WDR73: variants seen among roughly 807,000 people sequenced by gnomAD.
WDR73 encodes WD repeat domain 73.
Under a neutral mutation model 38.2 loss-of-function variants are expected in WDR73, and 30 were observed. The ratio of observed to expected loss-of-function variants is 0.79; its 90% CI spans 0.59 to 1.06. The LOEUF is 1.06. Ranked by LOEUF, WDR73 falls within the 50% of genes least tolerant of loss-of-function variation. The pLI, the probability that WDR73 is intolerant of heterozygous loss-of-function variation, is 0.00. For missense variants in WDR73, 487 were observed against 467.0 expected (o/e 1.04, Z -0.40); for synonymous variants, 197 against 176.0 (o/e 1.12, Z -0.94).
At position 84,645,706 on chromosome 15, in the gene WDR73, G is replaced by A; in HGVS notation, c.648C>T (p.Ser216=). Residue 216 remains serine (S), a synonymous_variant, in exon 7 of 8, where the codon AGC becomes AGT. Transcript: ENST00000434634. ...RQKWAPLENR[S]PGPGSGGERW... ...TCTCTCCACCAGACCCAGGGCCAGG[G>A]CTGCGATTCTCCAACGGTGCCCACT... 6.2e-7 allele frequency: 1 copy of A among 1,609,738 alleles called. No homozygotes were observed. The highest frequency in any genetic ancestry group is 1.1e-5 in the South Asian group (1 of 90,360).
At chr15:84,646,985 C>G (rs1410076710) in intron 5 of WDR73, 1 of 152,774 alleles carries the variant, frequency 6.5e-6, no homozygotes, top group African/African-American at 2.4e-5. Flanking sequence ...CTCCGCCTCT[C>G]AGGTTCAAGA....
At chr15:84,644,506 T>G (rs1257812695) in intron 7 of WDR73, 1 of 151,898 alleles carries the variant, frequency 6.6e-6, no homozygotes, top group Non-Finnish European at 1.5e-5. Flanking sequence ...GATACCCACA[T>G]TAAGTGCCGC....
At position 84,645,690 on chromosome 15, in the gene WDR73, C is replaced by T; in HGVS notation, c.664G>A (p.Gly222Ser). ...ACTTCAGCACACCATCTCTCTCCAC[C>T]AGACCCAGGGCCAGGGCTGCGATTC... is the stretch of plus-strand genomic sequence containing the variant. ...LENRSPGPGS[G>S]GERWCAEVGS... is the part of the protein sequence containing the mutation. The change falls in exon 7 of 8, where the codon GGT (glycine) becomes AGT (serine). Residue 222 changes from glycine (G) to serine (S), a missense_variant. By Grantham distance (56) the Gly-to-Ser change is moderately conservative. Transcript: ENST00000434634. The T allele has an allele frequency of 6.2e-7, 1 of 1,609,034 alleles. No individual in the cohort carries two copies.
intron 3 of WDR73, among the ~76,000 whole-genome samples, chr15:84,649,562 C>G (rs1481263861): frequency 6.6e-6 from 1 of 151,866 alleles, no homozygotes; most frequent in East Asian, 1.9e-4. Context: ...CTCTGTCTCC[C>G]CAGTTTAAGC....
chr15:84,639,803 T>C lies in WDR73; in HGVS notation c.*3667A>G, dbSNP rs541295549. 6.6e-6 allele frequency: 1 copy of C among 152,274 alleles called. No homozygotes were observed. Among genetic ancestry groups the C allele is most frequent in the Admixed American group, 6.5e-5 (1 of 15,270 alleles). The allele number at this position is 152,274 out of a possible 1,614,324, so 9.4% of individuals were successfully genotyped here. On this transcript the variant is annotated 3_prime_UTR_variant, in exon 8 of 8. Transcript: ENST00000434634. Reference sequence around the variant, plus strand: ...TCCACGAAAAACTCCGCACCTGCCATCGAAACCACCAGGTGTACCGGATTA... The same window carrying C: ...TCCACGAAAAACTCCGCACCTGCCACCGAAACCACCAGGTGTACCGGATTA...
intron 3 of WDR73, among the ~76,000 whole-genome samples, chr15:84,649,856 G>A (rs547303306): frequency 2.6e-5 from 4 of 152,248 alleles, no homozygotes; most frequent in South Asian, 2.1e-4. Flanking sequence ...GCAGTCCACC[G>A]CCTCAGCTTC....
Position 84,648,533 on chromosome 15 carries a change from A to G in WDR73, c.287+4T>C, listed in dbSNP as rs748831096. 2 of 1,611,394 alleles carry G rather than the reference A, an allele frequency of 1.2e-6. No individual in the cohort carries two copies. Among genetic ancestry groups the G allele is most frequent in the Non-Finnish European group, 1.7e-6 (2 of 1,177,566 alleles). ...GGATGGCTGGATCACAAAATTGACC[A>G]TACCTGGTATGTGGCACATGCTTTA... On this transcript the variant is annotated splice_donor_region_variant and intron_variant, in intron 4 of 7. Transcript: ENST00000434634.
intron 1 of WDR73, chr15:84,653,965 C>G (rs759726646): frequency 3.6e-4 from 215 of 604,632 alleles, no homozygotes; most frequent in Non-Finnish European, 5.4e-4. Flanking sequence ...GTGTTCTGAG[C>G]TGAACTCAGA....
intron 4 of WDR73, chr15:84,648,265 G>C: frequency 1.7e-6 from 1 of 584,478 alleles, no homozygotes; most frequent in East Asian, 2.8e-5. Flanking sequence ...AGCAATAGAA[G>C]AGCATCTTTC....
rs1237948652 is a variant in WDR73, at chr15:84,646,286, C to T, written c.415G>A (p.Val139Met). The T allele has an allele frequency of 6.2e-7, 1 of 1,613,958 alleles. No homozygotes were observed. Among genetic ancestry groups the T allele is most frequent in the Non-Finnish European group, 8.5e-7 (1 of 1,179,896 alleles). The part of the protein sequence containing the change: ...HEKEESLWPR[V>M]AVFSTLAPGV... ...GGTGCCAATGTGGAGAAGACGGCCA[C>T]CCTAGGCCAGAGACTCTCCTCTTTC... Residue 139 changes from valine to methionine, a missense_variant, in exon 6 of 8, where the codon GTG (valine) becomes ATG (methionine). Physicochemically the swap from Val to Met is conservative, Grantham distance 21. Transcript: ENST00000434634.
intron 1 of WDR73, 79 bp from the exon 2 acceptor site, chr15:84,653,778 TCAGTG>T: frequency 8.7e-7 from 1 of 1,145,050 alleles, no homozygotes; most frequent in South Asian, 1.3e-5. Context: ...GCCGCATGGT[TCAGTG>T]GCCCAAACTC....
intron 4 of WDR73, 196 bp downstream of exon 4, chr15:84,648,341 G>T: frequency 1.7e-6 from 1 of 593,548 alleles, no homozygotes; most frequent in South Asian, 2.1e-5. Context: ...CAAGGGCTCT[G>T]GGGGGCTATG....
Position 84,643,448 on chromosome 15 carries a change from C to G in WDR73, c.*22G>C. On this transcript the variant is annotated 3_prime_UTR_variant, in exon 8 of 8. Coordinates refer to ENST00000434634, the MANE Select transcript of WDR73 (RefSeq NM_032856.5). ...CAGCAGCTCCTCCCCTTTCTAGAGG[C>G]CTAGATGGAAAGATGCTGGTGTCAG... The G allele has an allele frequency of 6.5e-7, 1 of 1,549,942 alleles. No homozygotes were observed. The highest frequency in any genetic ancestry group is 8.7e-7 in the Non-Finnish European group (1 of 1,146,658).
At position 84,647,963 on chromosome 15, in the gene WDR73, A is replaced by G. The variant is rs760647064; in HGVS notation, c.288-9T>C. ...CACTGGTAACCAGCAATCTATTCAG[A>G]AAAGACAAAATCAGTCCAGACCATG... is the stretch of plus-strand genomic sequence containing the variant. On this transcript the variant is annotated splice_polypyrimidine_tract_variant and intron_variant, in intron 4 of 7. Transcript: ENST00000434634. The G allele has an allele frequency of 1.2e-6, 2 of 1,613,976 alleles. No homozygotes were observed. Among genetic ancestry groups the G allele is most frequent in the Admixed American group, 3.3e-5 (2 of 60,034 alleles).
intron 6 of WDR73, 144 bp from the exon 7 acceptor site, chr15:84,645,980 T>C: frequency 9.1e-6 from 14 of 1,544,856 alleles, no homozygotes; most frequent in Non-Finnish European, 1.2e-5. Flanking sequence ...CACCATTGTC[T>C]GCTCAGCTGG....
Position 84,645,773 on chromosome 15 carries a change from C to T in WDR73, c.581G>A (p.Cys194Tyr), listed in dbSNP as rs1896435036. Reference protein sequence around the residue: ...QVLDADTFAFCCASGRLGLVD... With the variant: ...QVLDADTFAFYCASGRLGLVD... ...AAGCCCCAGCCGGCCTGAAGCACAG[C>T]AGAAGGCAAAGGTGTCTGCATCTAG... is the stretch of plus-strand genomic sequence containing the variant. The change falls in exon 7 of 8, where the codon TGC becomes TAC. Residue 194 changes from cysteine to tyrosine, a missense_variant. Physicochemically the swap from Cys to Tyr is radical, Grantham distance 194 (BLOSUM62 -2). Coordinates refer to ENST00000434634, the MANE Select transcript of WDR73 (RefSeq NM_032856.5). 1 of 1,613,264 alleles carries T rather than the reference C, an allele frequency of 6.2e-7. No homozygotes were observed. The highest frequency in any genetic ancestry group is 8.5e-7 in the Non-Finnish European group (1 of 1,179,660).
chr15:84,646,135 G>T (rs1896450180), intron 6 of WDR73, 49 bp downstream of exon 6: 1 of 1,611,642 alleles, frequency 6.2e-7, no homozygotes, highest in South Asian at 1.1e-5. Flanking sequence ...GTTGGGCTGG[G>T]GGGTGATGCC....
chr15:84,652,452 T>C (rs1194811254), intron 3 of WDR73, among the ~76,000 whole-genome samples: 1 of 152,196 alleles, frequency 6.6e-6, no homozygotes, highest in Non-Finnish European at 1.5e-5. Flanking sequence ...TCGACCGCCC[T>C]CTATATCCTT....
chr15:84,648,110 G>T (rs1289219371), intron 4 of WDR73, 156 bp from the exon 5 acceptor site: 4 of 689,426 alleles, frequency 5.8e-6, no homozygotes, highest in Non-Finnish European at 1.0e-5. Flanking sequence ...TCACAGATAA[G>T]GAGCAGGCTC....
Sources: gnomAD v4.1 joint callset for allele counts (sites outside exome capture counted in the v4.1 genomes callset) on GRCh38, gnomAD v4.1.1 for gene constraint, MANE v1.5 for transcripts, NCBI Gene and HGNC (gene_info 2026-07-23, HGNC 2026-07-21) for gene names.